The following PGAP3 variants were observed in gnomAD, a reference collection of about 807,000 sequenced individuals.
PGAP3 encodes the protein GPI-specific phospholipase A2-like PGAP3.
In PGAP3, 31 loss-of-function variants were observed where a neutral mutation model predicts 40.3. The observed-to-expected ratio is 0.77, with a 90% CI of 0.58 to 1.04. The LOEUF is 1.04. Ranked by LOEUF, PGAP3 falls within the 50% of genes least tolerant of loss-of-function variation. The pLI is 0.00. For missense variants in PGAP3, 413 were observed against 423.0 expected (o/e 0.98, Z 0.21); for synonymous variants, 191 against 184.5 (o/e 1.04, Z -0.29).
intron 3 of PGAP3, among the ~76,000 whole-genome samples, chr17:39,676,448 CAT>C (rs1430398433): frequency 6.6e-5 from 10 of 152,230 alleles, no homozygotes; most frequent in Non-Finnish European, 8.8e-5. Context: ...TGCGGGCAAA[CAT>C]ATGCGTAGGG....
intron 3 of PGAP3, among the ~76,000 whole-genome samples, chr17:39,678,324 C>T (rs1745375806): frequency 6.6e-6 from 1 of 152,228 alleles, no homozygotes; most frequent in African/African-American, 2.4e-5. Flanking sequence ...CTCCTCTCTA[C>T]ACCTGAGGAC....
chr17:39,682,353 C>G (rs1227643288), intron 3 of PGAP3, among the ~76,000 whole-genome samples: 1 of 146,758 alleles, frequency 6.8e-6, no homozygotes, highest in East Asian at 2.1e-4. Flanking sequence ...CCAATGGAAA[C>G]TTGCATTCTA....
At chr17:39,673,354 A>T in intron 6 of PGAP3, 99 bp from the exon 7 acceptor site, 7 of 1,546,466 alleles carry the variant, frequency 4.5e-6, no homozygotes, top group Non-Finnish European at 6.2e-6. Flanking sequence ...TCATCCTCGG[A>T]CTCTCCTCCC....
rs1567871748 is a variant in PGAP3 at position 39,674,043 on chromosome 17, G to T, written c.507C>A (p.Tyr169Ter). The T allele has an allele frequency of 6.2e-7, 1 of 1,613,958 alleles. No homozygotes were observed. Among genetic ancestry groups the T allele is most frequent in the Non-Finnish European group, 8.5e-7 (1 of 1,179,872 alleles). ...RDTDLTEKMD[Y>*]FCASTVILHS... ...GTAGGATGACAGTGGAGGCACAGAA[G>T]TAGTCCATTTTCTGAGGACAGGGAA... is the stretch of plus-strand genomic sequence containing the variant. Residue 169 changes from tyrosine to a stop codon, truncating the protein, a stop_gained, in exon 5 of 8, where the codon TAC becomes TAA. Coordinates refer to ENST00000300658, the MANE Select transcript of PGAP3 (RefSeq NM_033419.5). LOFTEE classifies it high-confidence loss of function.
chr17:39,679,202 C>T (rs909506775), intron 3 of PGAP3, among the ~76,000 whole-genome samples: 2 of 152,196 alleles, frequency 1.3e-5, no homozygotes, highest in African/African-American at 4.8e-5. Context: ...GCCTCAGCCT[C>T]CCAAAGTGCT....
chr17:39,672,818 C>G lies in PGAP3; in HGVS notation c.948G>C (p.Lys316Asn). ...SLYLLKESED[K>N]FKLD ...TCCAAGGTCTTCAGTCCAGCTTGAACTTGTCCTCTGATTCCTTCAGCAGGT... is the reference window on the plus strand; with the variant it reads ...TCCAAGGTCTTCAGTCCAGCTTGAAGTTGTCCTCTGATTCCTTCAGCAGGT... The change falls in exon 8 of 8, where the codon AAG (lysine) becomes AAC (asparagine). Residue 316 changes from lysine (K) to asparagine (N), a missense_variant. Coordinates refer to ENST00000300658, the MANE Select transcript of PGAP3 (RefSeq NM_033419.5). 6.2e-7 allele frequency: 1 copy of G among 1,614,198 alleles called. No individual in the cohort carries two copies. The highest frequency in any genetic ancestry group is 2.2e-5 in the East Asian group (1 of 44,886).
At chr17:39,687,806 CG>C (rs2057584934) in intron 1 of PGAP3, 27 bp downstream of exon 1, 1 of 1,316,342 alleles carries the variant, frequency 7.6e-7, no homozygotes, top group Admixed American at 3.4e-5. Context: ...GACAAATGGG[CG>C]GGGCTTACCG....
intron 3 of PGAP3, among the ~76,000 whole-genome samples, chr17:39,677,638 G>A (rs939948580): frequency 1.3e-5 from 2 of 152,180 alleles, no homozygotes; most frequent in Admixed American, 1.3e-4. Context: ...CCAGGAGGGC[G>A]ACAGGCTGCC....
At chr17:39,677,176 T>C (rs2057384979) in intron 3 of PGAP3, among the ~76,000 whole-genome samples, 1 of 152,326 alleles carries the variant, frequency 6.6e-6, no homozygotes, top group South Asian at 2.1e-4. Context: ...CAGGAGGCCA[T>C]GAGGACGAGG....
intron 3 of PGAP3, among the ~76,000 whole-genome samples, chr17:39,680,718 CCTT>C (rs940275491): frequency 5.3e-5 from 8 of 152,244 alleles, no homozygotes; most frequent in African/African-American, 1.9e-4. Context: ...TCCGGCTACT[CCTT>C]CTGTCTCTGT....
intron 1 of PGAP3, among the ~76,000 whole-genome samples, chr17:39,687,425 C>A (rs897466105): frequency 6.6e-6 from 1 of 152,156 alleles, no homozygotes; most frequent in Non-Finnish European, 1.5e-5. Context: ...TGATCCCTGC[C>A]CCCACGTCTT....
At chr17:39,686,267 T>G (rs1402880336) in intron 1 of PGAP3, among the ~76,000 whole-genome samples, 1 of 152,208 alleles carries the variant, frequency 6.6e-6, no homozygotes, top group African/African-American at 2.4e-5. Flanking sequence ...TTTTTTTGTT[T>G]GTTTTTTTGA....
chr17:39,681,754 C>T (rs548624448), intron 3 of PGAP3, among the ~76,000 whole-genome samples: 5 of 152,126 alleles, frequency 3.3e-5, no homozygotes, highest in African/African-American at 4.8e-5. Flanking sequence ...GTGATCCACC[C>T]GCCTTGGCCT....
At position 39,687,945 on chromosome 17, in the gene PGAP3, C is replaced by G. The variant is rs770939421; in HGVS notation, c.70G>C (p.Asp24His). 26 of 1,481,032 alleles carry G rather than the reference C, an allele frequency of 1.8e-5. No individual in the cohort carries two copies. The highest frequency in any genetic ancestry group is 2.3e-5 in the Non-Finnish European group (25 of 1,101,612). The allele number at this position is 1,481,032 out of a possible 1,614,324, so 91.7% of individuals were successfully genotyped here. A position where few individuals can be genotyped will look rare whatever the true frequency, so the allele number is the denominator to read the frequency against. ...CAGTCGCGGTACACCGGCTCACGGTCGCCCTGGGAGCCGCTCGCCAGCGCC... is the reference window on the plus strand; with the variant it reads ...CAGTCGCGGTACACCGGCTCACGGTGGCCCTGGGAGCCGCTCGCCAGCGCC... The part of the protein sequence containing the change: ...AAALASGSQG[D>H]REPVYRDCVL... The change falls in exon 1 of 8, where the codon GAC (aspartate) becomes CAC (histidine). Residue 24 changes from aspartate to histidine, a missense_variant. Transcript: ENST00000300658.
Position 39,685,867 on chromosome 17 carries a change from G to A in PGAP3, c.279+55C>T, listed in dbSNP as rs535823607. 3.3e-4 allele frequency: 503 copies of A among 1,504,124 alleles called. 1 individual carries two copies. The highest frequency in any genetic ancestry group is 4.3e-4 in the Non-Finnish European group (465 of 1,085,500). The allele number at this position is 1,504,124 out of a possible 1,614,324, so 93.2% of individuals were successfully genotyped here. On this transcript the variant is annotated intron_variant, in intron 2 of 7. Transcript: ENST00000300658. ...TTGGACAGTGTGGTCCAACCAGGGG[G>A]TATATTACTCCTACCACGCTACTAC...
In PGAP3 at chr17:39,673,155, C is replaced by T. The variant is rs894653229; in HGVS notation, c.795G>A (p.Gly265=). ...KCVVVVLLLQ[G]LSLLELLDFP... ...AGTCAAGCAGCTCGAGCAGGGACAG[C>T]CCCTGCAGCAGCAAGACCACCACCA... The change falls in exon 7 of 8, where the codon GGG becomes GGA. Residue 265 remains glycine (G), a synonymous_variant. Coordinates refer to ENST00000300658, the MANE Select transcript of PGAP3 (RefSeq NM_033419.5). 2 of 1,597,092 alleles carry T rather than the reference C, an allele frequency of 1.3e-6. No individual in the cohort carries two copies. The highest frequency in any genetic ancestry group is 8.5e-7 in the Non-Finnish European group (1 of 1,172,562).
chr17:39,673,870 G>T, intron 5 of PGAP3, 123 bp downstream of exon 5: 2 of 1,286,530 alleles, frequency 1.6e-6, no homozygotes, highest in Non-Finnish European at 2.2e-6. Flanking sequence ...CAGCTGATGT[G>T]TTGGGGGTTG....
At position 39,686,021 on chromosome 17, in the gene PGAP3, T is replaced by A. The variant is rs1475343372; in HGVS notation, c.182-2A>T. The A allele has an allele frequency of 6.2e-7, 1 of 1,611,300 alleles. No homozygotes were observed. The stretch of plus-strand genomic sequence containing the variant: ...TACAGTCGTCCCGACAGGTCCAGCC[T>A]GAAACAGACAAATGTGGCCTGGTGA... On this transcript the variant is annotated splice_acceptor_variant, in intron 1 of 7. Transcript: ENST00000300658. LOFTEE classifies it high-confidence loss of function.
At chr17:39,683,732 T>C (rs2057470767) in intron 3 of PGAP3, among the ~76,000 whole-genome samples, 1 of 152,204 alleles carries the variant, frequency 6.6e-6, no homozygotes, top group Non-Finnish European at 1.5e-5. Flanking sequence ...TACCAGGCCC[T>C]GAATACAGCT....
Sources: allele counts gnomAD v4.1 joint callset (sites outside exome capture counted in the v4.1 genomes callset), GRCh38; gene constraint gnomAD v4.1.1; transcripts MANE v1.5; gene names NCBI Gene and HGNC (gene_info 2026-07-23, HGNC 2026-07-21).